GPR55: variants seen among roughly 807,000 people sequenced by gnomAD.
GPR55 encodes G-protein coupled receptor 55.
In GPR55, 6 loss-of-function variants were observed where a neutral mutation model predicts 7.9. That is an observed-to-expected ratio of 0.76 (90% CI 0.41 to 1.49). The LOEUF (loss-of-function observed/expected upper bound fraction) is 1.49, where lower values mean the gene tolerates loss of function less well. Ranked by LOEUF, GPR55 falls within the 40% of genes most tolerant of loss-of-function variation. The pLI is 0.01. For synonymous variants in GPR55, 183 were observed against 166.8 expected, an observed-to-expected ratio of 1.10 and a Z score of -0.75; for missense variants, 376 against 406.0, an observed-to-expected ratio of 0.93 and a Z score of 0.63.
intron 1 of GPR55, among the ~76,000 whole-genome samples, chr2:230,946,232 G>A (rs891033332): frequency 1.3e-5 from 2 of 152,174 alleles, no homozygotes; most frequent in African/African-American, 4.8e-5. Flanking sequence ...TGTGGAAGGG[G>A]GAGATGTTGG....
exon 1 of GPR55, chr2:230,961,012 C>G (rs1485321021): frequency 1.3e-5 from 2 of 152,196 alleles, no homozygotes; most frequent in Non-Finnish European, 2.9e-5. Flanking sequence ...GAAAAGTAAC[C>G]ATTTAAAACC....
chr2:230,916,246 G>A (rs886503095), intron 1 of GPR55, among the ~76,000 whole-genome samples: 1 of 152,082 alleles, frequency 6.6e-6, no homozygotes, highest in African/African-American at 2.4e-5. Flanking sequence ...GATTAGTAGA[G>A]TGTGGTGGCT....
chr2:230,960,667 A>C (rs1358070449), intron 1 of GPR55: 2 of 152,208 alleles, frequency 1.3e-5, no homozygotes, highest in Non-Finnish European at 2.9e-5. Context: ...AAGCGAACAA[A>C]CTGAAAAGCA....
At chr2:230,921,899 TCCTCC>T (rs1169104588) in intron 1 of GPR55, among the ~76,000 whole-genome samples, 34 of 152,154 alleles carry the variant, frequency 2.2e-4, no homozygotes, top group Non-Finnish European at 3.8e-4. Context: ...AGGTCATCCA[TCCTCC>T]AGTGATCGTG....
intron 1 of GPR55, among the ~76,000 whole-genome samples, chr2:230,916,356 T>C (rs1173421710): frequency 1.3e-5 from 2 of 149,248 alleles, no homozygotes. Context: ...ACCCCATCTC[T>C]ACCAAAAAAA....
intron 1 of GPR55, among the ~76,000 whole-genome samples, chr2:230,945,819 G>A (rs563225038): frequency 4.6e-5 from 7 of 152,254 alleles, no homozygotes; most frequent in Admixed American, 2.6e-4. Context: ...TGATCCGTCC[G>A]CCTCGCCTCC....
chr2:230,927,196 C>T (rs1206766555), upstream of GPR55, among the ~76,000 whole-genome samples: 1 of 152,206 alleles, frequency 6.6e-6, no homozygotes, highest in Non-Finnish European at 1.5e-5. Flanking sequence ...AGTTTCTGTG[C>T]CCGCCCGTGT....
intron 1 of GPR55, among the ~76,000 whole-genome samples, chr2:230,911,316 G>C (rs755026150): frequency 6.6e-6 from 1 of 152,194 alleles, no homozygotes; most frequent in Non-Finnish European, 1.5e-5. Flanking sequence ...GACCCAAACA[G>C]GCTGAAGCAA....
chr2:230,948,926 C>T (rs1473939374), intron 1 of GPR55, among the ~76,000 whole-genome samples: 2 of 151,962 alleles, frequency 1.3e-5, no homozygotes, highest in Non-Finnish European at 2.9e-5. Flanking sequence ...AAAAATAGTC[C>T]GGTTTGGTGG....
chr2:230,927,839 C>T (rs1690968909), upstream of GPR55, among the ~76,000 whole-genome samples: 1 of 152,270 alleles, frequency 6.6e-6, no homozygotes, highest in African/African-American at 2.4e-5. Flanking sequence ...CAGCCAGAGG[C>T]CTGGCCCTGC....
At chr2:230,918,380 A>G (rs188062188) in intron 1 of GPR55, among the ~76,000 whole-genome samples, 31 of 152,324 alleles carry the variant, frequency 2.0e-4, no homozygotes, top group African/African-American at 6.0e-4. Context: ...AAAATAATTT[A>G]CCACAATCTA....
At chr2:230,922,509 G>A (rs1249894668) in intron 1 of GPR55, among the ~76,000 whole-genome samples, 1 of 152,038 alleles carries the variant, frequency 6.6e-6, no homozygotes, top group African/African-American at 2.4e-5. Context: ...CCGAGTAGCT[G>A]GGACTACAGG....
chr2:230,920,490 T>TAAA (rs999957487), intron 1 of GPR55, among the ~76,000 whole-genome samples: 1 of 151,104 alleles, frequency 6.6e-6, no homozygotes, highest in African/African-American at 2.4e-5. Context: ...ATGATTTTTT[T>TAAA]AAAAAAAAAT....
rs1690874393 is a variant in GPR55, at chr2:230,923,006, T to C, written c.-135+2162A>G. Among the ~76,000 whole-genome samples, 1 of 152,186 alleles carries C rather than the reference T, an allele frequency of 6.6e-6. No homozygotes were observed. Among genetic ancestry groups the C allele is most frequent in the Non-Finnish European group, 1.5e-5 (1 of 68,032 alleles). On this transcript the variant is annotated intron_variant, in intron 1 of 1. Transcript: ENST00000650999. This position sits in a 1 kb window ranked among gnomAD's most constrained non-coding sequence, Gnocchi z 4.1. ...GGCGTGAGCCCGAGCACCCGGCCTG[T>C]GCTGGTTCTTAATTGCTGACTCTAC...
chr2:230,959,581 C>G (rs1691539278), intron 1 of GPR55, among the ~76,000 whole-genome samples: 1 of 152,186 alleles, frequency 6.6e-6, no homozygotes, highest in South Asian at 2.1e-4. Context: ...CCAAGGACGT[C>G]CAGTGAGTGA....
At chr2:230,918,588 T>G (rs2125053013) in intron 1 of GPR55, among the ~76,000 whole-genome samples, 1 of 152,260 alleles carries the variant, frequency 6.6e-6, no homozygotes, top group South Asian at 2.1e-4. Flanking sequence ...CTTATCCAAA[T>G]AGCGAAACTC....
chr2:230,917,317 A>G (rs925304876), intron 1 of GPR55, among the ~76,000 whole-genome samples: 16 of 152,272 alleles, frequency 1.1e-4, no homozygotes, highest in Non-Finnish European at 1.9e-4. Flanking sequence ...TATAAATAAT[A>G]TGATTAATAC....
chr2:230,942,246 A>T (rs2125066346), intron 1 of GPR55, among the ~76,000 whole-genome samples: 1 of 152,254 alleles, frequency 6.6e-6, no homozygotes, highest in East Asian at 1.9e-4. Flanking sequence ...AAGATCACAG[A>T]AAGGGGGCCC....
At chr2:230,925,814 C>T (rs75125622), upstream of GPR55, among the ~76,000 whole-genome samples, 1,875 of 152,314 alleles carry the variant, frequency 0.012, 20 homozygotes, top group Middle Eastern at 0.082. Flanking sequence ...TCCCCAGCCT[C>T]GGCTTCTCTG....
Sources: gnomAD v4.1 joint callset for allele counts (sites outside exome capture counted in the v4.1 genomes callset) on GRCh38, gnomAD v4.1.1 for gene constraint, Gnocchi (gnomAD v3.1) non-coding constraint, MANE v1.5 for transcripts, NCBI Gene and HGNC (gene_info 2026-07-23, HGNC 2026-07-21) for gene names.